The following FNIP1 variants were observed in gnomAD, a reference collection of about 807,000 sequenced individuals.
FNIP1 encodes folliculin-interacting protein 1.
A neutral mutation model predicts 124.5 loss-of-function variants in FNIP1; 40 were observed. The ratio of observed to expected loss-of-function variants is 0.32; its 90% confidence interval spans 0.25 to 0.42. The LOEUF is 0.42. Among genes scored for constraint, FNIP1 ranks in the 10% least tolerant of loss-of-function variants. The pLI is 1.00. For synonymous variants in FNIP1, 472 were observed against 470.6 expected, an observed-to-expected ratio of 1.00 and a Z score of -0.04; for missense variants, 1,176 against 1,403.7, an observed-to-expected ratio of 0.84 and a Z score of 2.59.
intron 6 of FNIP1, among the ~76,000 whole-genome samples, chr5:131,714,029 C>A (rs1387936204): frequency 1.3e-5 from 2 of 152,210 alleles, no homozygotes; most frequent in Non-Finnish European, 2.9e-5. Flanking sequence ...TGTCAAAGAT[C>A]TCCAACTATA....
chr5:131,713,385 T>C (rs1444517359), intron 6 of FNIP1, among the ~76,000 whole-genome samples: 2 of 152,142 alleles, frequency 1.3e-5, no homozygotes, highest in Non-Finnish European at 2.9e-5. Context: ...CAGGGTTCCA[T>C]CTTCAACAAT....
At chr5:131,692,382 A>G (rs1768511271) in intron 11 of FNIP1, among the ~76,000 whole-genome samples, 1 of 152,076 alleles carries the variant, frequency 6.6e-6, no homozygotes, top group Non-Finnish European at 1.5e-5. Context: ...AAAAGTATAA[A>G]ATTCTGTTGA....
chr5:131,710,241 A>G (rs756239156), intron 7 of FNIP1, among the ~76,000 whole-genome samples: 1 of 152,206 alleles, frequency 6.6e-6, no homozygotes, highest in African/African-American at 2.4e-5. Flanking sequence ...CATGGAAACA[A>G]GACAGTGTCA....
intron 1 of FNIP1, among the ~76,000 whole-genome samples, chr5:131,784,649 C>T (rs1772102475): frequency 1.3e-5 from 2 of 151,370 alleles, no homozygotes; most frequent in Non-Finnish European, 2.9e-5. Context: ...AGTAAGACCC[C>T]CCCATCTCTA....
rs1561647048 is a variant in FNIP1 at position 131,672,238 on chromosome 5, T to C, written c.2206A>G (p.Lys736Glu). ...CAAGAAAATGAAGCAGGCACAATCT[T>C]ATCTGGAGGTTTTTTTTCCACAACC... ...GMVVEKKPPD[K>E]IVPASFSCEA... is the part of the protein sequence containing the mutation. The change falls in exon 14 of 18, where the codon AAG becomes GAG. Residue 736 changes from lysine (K) to glutamate (E), a missense_variant. By Grantham distance (56) the Lys-to-Glu change is moderately conservative (BLOSUM62 1). Coordinates refer to ENST00000510461, the MANE Select transcript of FNIP1 (RefSeq NM_133372.3). 2.5e-6 allele frequency: 4 copies of C among 1,614,164 alleles called. No individual in the cohort carries two copies.
At chr5:131,766,423 C>CA (rs1403363149) in intron 1 of FNIP1, among the ~76,000 whole-genome samples, 1 of 152,184 alleles carries the variant, frequency 6.6e-6, no homozygotes, top group Admixed American at 6.5e-5. Flanking sequence ...TCCCCGGTCC[C>CA]AATCTACAAT....
At chr5:131,662,807 T>C (rs1397310383) in intron 15 of FNIP1, among the ~76,000 whole-genome samples, 1 of 149,038 alleles carries the variant, frequency 6.7e-6, no homozygotes, top group Non-Finnish European at 1.5e-5. Context: ...TGGCACGATC[T>C]TGGCTCACCA....
chr5:131,708,937 C>G (rs1769203950), intron 8 of FNIP1, among the ~76,000 whole-genome samples: 1 of 151,892 alleles, frequency 6.6e-6, no homozygotes, highest in Non-Finnish European at 1.5e-5. Context: ...TTTTTCTGAC[C>G]AATGCTTTTC....
At chr5:131,677,609 AAG>A in intron 13 of FNIP1, 92 bp downstream of exon 13, 1 of 1,226,494 alleles carries the variant, frequency 8.2e-7, no homozygotes, top group Non-Finnish European at 1.1e-6. Context: ...CAGGAGGTAA[AAG>A]CATTTTATTT....
intron 10 of FNIP1, among the ~76,000 whole-genome samples, chr5:131,702,710 T>C (rs189324288): frequency 6.2e-4 from 94 of 152,326 alleles, no homozygotes; most frequent in African/African-American, 2.3e-3. Context: ...GATTCTAATA[T>C]TTCACAATTT....
chr5:131,744,494 C>A (rs561963275), intron 2 of FNIP1, 70 bp downstream of exon 2: 4 of 1,443,418 alleles, frequency 2.8e-6, no homozygotes, highest in Non-Finnish European at 3.7e-6. Flanking sequence ...CCCAATTATC[C>A]AGTTTGATAA....
At chr5:131,706,826 C>T (rs1561665950) in intron 8 of FNIP1, among the ~76,000 whole-genome samples, 1 of 152,130 alleles carries the variant, frequency 6.6e-6, no homozygotes, top group Non-Finnish European at 1.5e-5. Flanking sequence ...AGGCATTATC[C>T]CTTTGGCCAC....
chr5:131,709,085 T>C (rs1769207426), intron 8 of FNIP1, 116 bp downstream of exon 8: 2 of 789,140 alleles, frequency 2.5e-6, no homozygotes, highest in African/African-American at 1.7e-5. Flanking sequence ...TTTTCACAGT[T>C]CTCTTGTAAG....
intron 2 of FNIP1, among the ~76,000 whole-genome samples, chr5:131,736,047 T>C (rs1770292243): frequency 6.6e-6 from 1 of 152,072 alleles, no homozygotes; most frequent in South Asian, 2.1e-4. Context: ...CTGGCTGGGA[T>C]TACAGGTGTG....
At chr5:131,717,384 T>C (rs1769505874) in intron 5 of FNIP1, among the ~76,000 whole-genome samples, 2 of 152,212 alleles carry the variant, frequency 1.3e-5, no homozygotes, top group Non-Finnish European at 2.9e-5. Context: ...ATCCAGTCTA[T>C]CACTGTTGGA....
At chr5:131,715,118 G>T (rs1268617487) in intron 6 of FNIP1, among the ~76,000 whole-genome samples, 4 of 152,198 alleles carry the variant, frequency 2.6e-5, no homozygotes, top group Non-Finnish European at 5.9e-5. Context: ...TATATTAAAA[G>T]TGAAGACAAG....
intron 10 of FNIP1, among the ~76,000 whole-genome samples, chr5:131,702,350 A>C (rs1434179116): frequency 1.3e-5 from 2 of 151,722 alleles, no homozygotes; most frequent in African/African-American, 4.8e-5. Context: ...CTAATTTTTA[A>C]ATTTTTTTTT....
rs1321034619 is a variant in FNIP1 at position 131,796,897 on chromosome 5, G to C, written c.25C>G (p.Leu9Val). 2.5e-6 allele frequency: 4 copies of C among 1,608,938 alleles called. No homozygotes were observed. In the African/African-American group the frequency reaches 5.3e-5, roughly 21 times the overall value. MAPTLFQK[L>V]FSKRTGLGAP... The stretch of plus-strand genomic sequence containing the variant: ...CCCAGCCCGGTCCTCTTGCTGAAGA[G>C]CTTCTGGAACAGCGTAGGGGCCATG... The change falls in exon 1 of 18, where the codon CTC (leucine) becomes GTC (valine). Residue 9 changes from leucine to valine, a missense_variant. Transcript: ENST00000510461.
chr5:131,716,806 G>A (rs1769480615), intron 5 of FNIP1, 150 bp from the exon 6 acceptor site: 2 of 536,854 alleles, frequency 3.7e-6, no homozygotes, highest in African/African-American at 2.0e-5. Flanking sequence ...ATCAGAGGTT[G>A]GTAAACTATA....
Sources: allele counts gnomAD v4.1 joint callset (sites outside exome capture counted in the v4.1 genomes callset), GRCh38; gene constraint gnomAD v4.1.1; transcripts MANE v1.5; gene names NCBI Gene and HGNC (gene_info 2026-07-23, HGNC 2026-07-21).